Variants in SVOP observed in about 807,000 individuals in gnomAD.
The protein encoded by SVOP is synaptic vesicle 2-related protein.
Under a neutral mutation model 69.1 loss-of-function variants are expected in SVOP, and 17 were observed. The ratio of observed to expected loss-of-function variants is 0.25; its 90% CI spans 0.17 to 0.37. The LOEUF (loss-of-function observed/expected upper bound fraction) is 0.37, where lower values mean the gene tolerates loss of function less well. SVOP is among the 10% of genes least tolerant of loss of function. SVOP has a pLI of 1.00. For synonymous variants in SVOP, 238 were observed against 238.6 expected (o/e 1.00, Z 0.02); for missense variants, 435 against 597.5 (o/e 0.73, Z 2.84).
intron 9 of SVOP, among the ~76,000 whole-genome samples, chr12:108,937,861 A>T (rs2039865787): frequency 6.6e-6 from 1 of 152,256 alleles, no homozygotes; most frequent in Non-Finnish European, 1.5e-5. Flanking sequence ...TTCTTTAAAA[A>T]ATATATGCTA....
rs2040164706 is a variant in SVOP, at chr12:108,986,124, A to G, written c.36-2363T>C. ...GCTAACATTTCACCCCCTCTACCAC[A>G]GTCACCTCTAATAGAATCAAGTTTG... On this transcript the variant is annotated intron_variant, in intron 1 of 15. Transcript: ENST00000610966. Among the ~76,000 whole-genome samples, 3 of 152,172 alleles carry G rather than the reference A, an allele frequency of 2.0e-5. No individual in the cohort carries two copies. In the South Asian group the frequency reaches 6.2e-4, roughly 32 times the overall value.
chr12:108,946,235 T>C (rs563593632), intron 6 of SVOP, among the ~76,000 whole-genome samples: 1 of 151,872 alleles, frequency 6.6e-6, no homozygotes, highest in East Asian at 1.9e-4. Flanking sequence ...GTGCTAGGAT[T>C]ATAGGCACAC....
At chr12:108,994,190 A>G (rs2040218955) in intron 1 of SVOP, among the ~76,000 whole-genome samples, 1 of 152,154 alleles carries the variant, frequency 6.6e-6, no homozygotes, top group South Asian at 2.1e-4. Flanking sequence ...ATAACTTACG[A>G]TACTGATCTT....
intron 5 of SVOP, among the ~76,000 whole-genome samples, chr12:108,963,977 T>C (rs914243451): frequency 2.0e-4 from 30 of 152,204 alleles, no homozygotes; most frequent in African/African-American, 7.2e-4. Flanking sequence ...ACTGTATAGT[T>C]TCACTTTCCA....
At position 108,937,920 on chromosome 12, in the gene SVOP, C is replaced by T. The variant is rs376081537; in HGVS notation, c.898-583G>A. Among the ~76,000 whole-genome samples the T allele has an allele frequency of 2.0e-4, 30 of 152,268 alleles. No homozygotes were observed. In the East Asian group the frequency reaches 4.8e-3, roughly 25 times the overall value. ...CTGTAATCCCAGCACTTTGGGAGGC[C>T]GGGGCAGGTTGATCACTTGAAGCCA... On this transcript the variant is annotated intron_variant, in intron 9 of 15. Coordinates refer to ENST00000610966, the MANE Select transcript of SVOP (RefSeq NM_018711.5).
chr12:108,949,273 A>C (rs2039941036), intron 6 of SVOP, among the ~76,000 whole-genome samples: 1 of 104,100 alleles, frequency 9.6e-6, no homozygotes. Context: ...GCAATCTTTC[A>C]GCTTTTTTTT....
intron 14 of SVOP, among the ~76,000 whole-genome samples, 195 bp from the exon 15 acceptor site, chr12:108,916,067 G>A (rs1166702266): frequency 6.6e-6 from 1 of 152,224 alleles, no homozygotes; most frequent in East Asian, 1.9e-4. Context: ...TAGGGCAAGA[G>A]GCTGAGCTGC....
chr12:108,982,100 TCAC>T (rs1241621796), intron 2 of SVOP, among the ~76,000 whole-genome samples: 3 of 151,548 alleles, frequency 2.0e-5, no homozygotes, highest in African/African-American at 7.3e-5. Flanking sequence ...ATCATCATCA[TCAC>T]CATCGTAACC....
rs753921790 is a variant in SVOP, at chr12:108,940,788, C to G, written c.764G>C (p.Cys255Ser). The change falls in exon 8 of 16, where the codon TGT (cysteine) becomes TCT (serine). Residue 255 changes from cysteine (C) to serine (S), a missense_variant. Transcript: ENST00000610966. ...AVPLLLFAVL[C>S]FWLPESARYD... ...AATCTCTTAAAGGATACCTACGAAA[C>G]ACAGCACGGCAAAGAGGAGGAGCGG... 3.9e-6 allele frequency: 6 copies of G among 1,537,126 alleles called. No individual in the cohort carries two copies. In the Admixed American group the frequency reaches 1.2e-4, roughly 30 times the overall value.
At position 108,978,087 on chromosome 12, in the gene SVOP, G is replaced by A. The variant is rs541126439; in HGVS notation, c.282+491C>T. ...AGCTTTTCCAATTAGGGGGGGAAATGTTGTGGGGAAATTGACGATCCATTT... is the reference window on the plus strand; with the variant it reads ...AGCTTTTCCAATTAGGGGGGGAAATATTGTGGGGAAATTGACGATCCATTT... On this transcript the variant is annotated intron_variant, in intron 3 of 15. Transcript: ENST00000610966. 1.1e-4 allele frequency among the ~76,000 whole-genome samples: 16 copies of A among 152,252 alleles called. No individual in the cohort carries two copies. The South Asian group carries it at 3.3e-3, about 32-fold the overall frequency.
chr12:108,952,573 G>A (rs1034055952), intron 6 of SVOP, among the ~76,000 whole-genome samples: 1 of 152,078 alleles, frequency 6.6e-6, no homozygotes, highest in Non-Finnish European at 1.5e-5. Flanking sequence ...GGCCAGGCAC[G>A]GTGGCTCACA....
chr12:108,979,163 A>C (rs1415418730), intron 2 of SVOP, among the ~76,000 whole-genome samples: 1 of 152,212 alleles, frequency 6.6e-6, no homozygotes, highest in Non-Finnish European at 1.5e-5. Context: ...GGGAGGAAGG[A>C]AAAAATTATA....
intron 1 of SVOP, among the ~76,000 whole-genome samples, chr12:108,997,397 A>G (rs1236612437): frequency 1.3e-5 from 2 of 151,206 alleles, no homozygotes; most frequent in Admixed American, 6.6e-5. Flanking sequence ...GGCGCCCGCC[A>G]TTGCCCAGGC....
intron 11 of SVOP, among the ~76,000 whole-genome samples, 190 bp downstream of exon 11, chr12:108,934,005 A>T (rs950952609): frequency 6.6e-6 from 1 of 152,186 alleles, no homozygotes; most frequent in African/African-American, 2.4e-5. Flanking sequence ...CTGACATAAG[A>T]TGTGGCTCCT....
intron 5 of SVOP, among the ~76,000 whole-genome samples, chr12:108,962,013 C>T (rs937330560): frequency 1.6e-4 from 24 of 152,140 alleles, no homozygotes; most frequent in African/African-American, 4.6e-4. Flanking sequence ...GTTTCCTGTG[C>T]GGGCAAACTC....
chr12:108,953,031 T>C (rs2039965151), intron 6 of SVOP, among the ~76,000 whole-genome samples: 1 of 151,746 alleles, frequency 6.6e-6, no homozygotes, highest in South Asian at 2.1e-4. Context: ...TTATTATATC[T>C]ACTTTGGGGA....
At chr12:109,013,900 G>A (rs1287474283) in intron 1 of SVOP, among the ~76,000 whole-genome samples, 1 of 151,908 alleles carries the variant, frequency 6.6e-6, no homozygotes, top group Admixed American at 6.6e-5. Flanking sequence ...CTATGGATTT[G>A]ACTGCTCTAG....
intron 8 of SVOP, 54 bp from the exon 9 acceptor site, chr12:108,939,009 C>T (rs750670365): frequency 6.2e-7 from 1 of 1,612,058 alleles, no homozygotes; most frequent in Non-Finnish European, 8.5e-7. Context: ...TGGAACAGAG[C>T]ACTCGCTTCT....
At chr12:108,997,363 A>G (rs1363914150) in intron 1 of SVOP, among the ~76,000 whole-genome samples, 1 of 151,304 alleles carries the variant, frequency 6.6e-6, no homozygotes. Flanking sequence ...TCAAACTGCA[A>G]GGCGGCAGCG....
Sources: allele counts gnomAD v4.1 joint callset (sites outside exome capture counted in the v4.1 genomes callset), GRCh38; gene constraint gnomAD v4.1.1; transcripts MANE v1.5; gene names NCBI Gene and HGNC (gene_info 2026-07-23, HGNC 2026-07-21).